The following CDKN3 variants were observed in gnomAD, a reference collection of about 807,000 sequenced individuals.
The protein encoded by CDKN3 is cyclin dependent kinase inhibitor 3, also known as cyclin-dependent kinase inhibitor 3.
CDKN3 carries 19 observed loss-of-function variants against 36.1 expected under a neutral mutation model. The observed-to-expected ratio is 0.53, with a 90% CI of 0.37 to 0.77. The LOEUF is 0.77. Among genes scored for constraint, CDKN3 ranks in the 30% least tolerant of loss-of-function variants. The pLI is 0.00. For synonymous variants in CDKN3, 71 were observed against 85.3 expected (o/e 0.83, Z 0.92); for missense variants, 188 against 248.6 (o/e 0.76, Z 1.64).
intron 5 of CDKN3, among the ~76,000 whole-genome samples, chr14:54,412,392 A>G (rs79598524): frequency 6.4e-4 from 97 of 150,900 alleles, no homozygotes; most frequent in African/African-American, 2.2e-3. Context: ...AGAAAAAAAA[A>G]AATAAAGAAA....
chr14:54,416,183 T>A (rs563452073), intron 6 of CDKN3, among the ~76,000 whole-genome samples: 2 of 152,324 alleles, frequency 1.3e-5, no homozygotes, highest in African/African-American at 4.8e-5. Flanking sequence ...TCTTATTTTT[T>A]AACATTTTTT....
Position 54,397,056 on chromosome 14 carries a change from G to A in CDKN3, c.-13G>A. On this transcript the variant is annotated 5_prime_UTR_variant, in exon 1 of 8. Transcript: ENST00000335183. The stretch of plus-strand genomic sequence containing the variant: ...AGGGAGGCGGCACTGGTCTCGACGT[G>A]GGGCGGCCAGCGATGAAGCCGGTGA... 1.3e-6 allele frequency: 2 copies of A among 1,500,442 alleles called. No homozygotes were observed. Among genetic ancestry groups the A allele is most frequent in the Non-Finnish European group, 1.8e-6 (2 of 1,122,314 alleles). The allele number at this position is 1,500,442 out of a possible 1,614,324, so 92.9% of individuals were successfully genotyped here.
At chr14:54,410,286 T>C (rs547325096) in intron 4 of CDKN3, among the ~76,000 whole-genome samples, 3 of 152,260 alleles carry the variant, frequency 2.0e-5, no homozygotes, top group Non-Finnish European at 4.4e-5. Context: ...AGTTGGAAAA[T>C]CACTGGATAA....
At chr14:54,397,263 G>A (rs1246642974) in intron 1 of CDKN3, among the ~76,000 whole-genome samples, 186 bp downstream of exon 1, 1 of 152,270 alleles carries the variant, frequency 6.6e-6, no homozygotes. Flanking sequence ...AAGGAGCAGG[G>A]TCGGTGGCCG....
rs957687445 is a variant in CDKN3, at chr14:54,397,009, C to G, written c.-60C>G. 7 of 1,434,260 alleles carry G rather than the reference C, an allele frequency of 4.9e-6. No individual in the cohort carries two copies. The highest frequency in any genetic ancestry group is 6.4e-6 in the Non-Finnish European group (7 of 1,090,396). 88.8% of individuals were successfully genotyped at this position (1,434,260 alleles called of 1,614,324 possible). A position where few individuals can be genotyped will look rare whatever the true frequency, so the allele number is the denominator to read the frequency against. ...CGGGGCGCGGGCTCGGCCGGGGCAC[C>G]GGTGAGTCGCCGGCGCTGCAGAGGG... On this transcript the variant is annotated 5_prime_UTR_variant, in exon 1 of 8. Coordinates refer to ENST00000335183, the MANE Select transcript of CDKN3 (RefSeq NM_005192.4).
intron 3 of CDKN3, among the ~76,000 whole-genome samples, chr14:54,408,370 C>T (rs937235322): frequency 2.6e-5 from 4 of 152,214 alleles, no homozygotes; most frequent in Non-Finnish European, 5.9e-5. Context: ...ACACACTTTG[C>T]GAAGCCCTCA....
In CDKN3 at chr14:54,414,777, G is replaced by A. The variant is rs1369765608; in HGVS notation, c.417-1122G>A. 2.8e-5 allele frequency among the ~76,000 whole-genome samples: 4 copies of A among 142,596 alleles called. No individual in the cohort carries two copies. The East Asian group carries it at 6.2e-4, about 22-fold the overall frequency. The allele number at this position is 142,596 out of a possible 152,430, so 93.5% of individuals were successfully genotyped here. A position where few individuals can be genotyped will look rare whatever the true frequency, so the allele number is the denominator to read the frequency against. On this transcript the variant is annotated intron_variant, in intron 5 of 7. Transcript: ENST00000335183. ...TTGCCAAAGCTGGTCTTAAACTACT[G>A]GACTCAAGCAGTCCTCCCACCTTGG...
intron 3 of CDKN3, among the ~76,000 whole-genome samples, chr14:54,405,282 A>C (rs2030116576): frequency 6.6e-6 from 1 of 152,294 alleles, no homozygotes; most frequent in Non-Finnish European, 1.5e-5. Context: ...TTTTAGAATA[A>C]GTGCGATGTG....
intron 5 of CDKN3, among the ~76,000 whole-genome samples, chr14:54,413,048 C>G (rs941356786): frequency 6.6e-6 from 1 of 152,182 alleles, no homozygotes; most frequent in Admixed American, 6.5e-5. Flanking sequence ...CCAACTAGTA[C>G]GAGGGTCTTT....
intron 1 of CDKN3, among the ~76,000 whole-genome samples, chr14:54,399,153 T>A (rs4251604): frequency 0.031 from 4,731 of 152,032 alleles, 239 homozygotes; most frequent in African/African-American, 0.11. Context: ...GCCTGGTTAA[T>A]TTTTGTATTT....
At chr14:54,419,643 C>T (rs1010149608) in intron 7 of CDKN3, among the ~76,000 whole-genome samples, 1 of 152,124 alleles carries the variant, frequency 6.6e-6, no homozygotes, top group Non-Finnish European at 1.5e-5. Context: ...AGTGCTCTGT[C>T]CTTCTTACCA....
At chr14:54,415,877 C>T (rs1309410769) in intron 5 of CDKN3, 22 bp from the exon 6 acceptor site, 1 of 1,585,684 alleles carries the variant, frequency 6.3e-7, no homozygotes, top group Non-Finnish European at 8.7e-7. Context: ...GTACAAACTT[C>T]AAAACTGTAT....
At chr14:54,401,093 C>A (rs1169727134) in intron 2 of CDKN3, among the ~76,000 whole-genome samples, 2 of 152,166 alleles carry the variant, frequency 1.3e-5, no homozygotes, top group Admixed American at 1.3e-4. Context: ...TACCGGTTGG[C>A]AATCTAGGCA....
At chr14:54,406,649 A>G (rs766706616) in intron 3 of CDKN3, among the ~76,000 whole-genome samples, 3 of 151,820 alleles carry the variant, frequency 2.0e-5, no homozygotes, top group African/African-American at 4.8e-5. Flanking sequence ...ATACTTGTGT[A>G]TGCATCACGA....
At chr14:54,415,111 T>C (rs1342001441) in intron 5 of CDKN3, among the ~76,000 whole-genome samples, 1 of 152,246 alleles carries the variant, frequency 6.6e-6, no homozygotes, top group East Asian at 1.9e-4. Flanking sequence ...TAATACATTT[T>C]TTAGGATCTT....
At chr14:54,409,220 T>A (rs1216260302) in intron 4 of CDKN3, among the ~76,000 whole-genome samples, 1 of 152,090 alleles carries the variant, frequency 6.6e-6, no homozygotes, top group East Asian at 1.9e-4. Context: ...AGAGCCAGCA[T>A]CTAGATGGAA....
intron 7 of CDKN3, among the ~76,000 whole-genome samples, chr14:54,418,915 T>C (rs2030639699): frequency 6.6e-6 from 1 of 152,084 alleles, no homozygotes; most frequent in Non-Finnish European, 1.5e-5. Flanking sequence ...TCCTAGCACT[T>C]TGGGAGGCTG....
intron 5 of CDKN3, among the ~76,000 whole-genome samples, chr14:54,413,060 G>A (rs1289637738): frequency 1.3e-5 from 2 of 152,154 alleles, no homozygotes; most frequent in Non-Finnish European, 2.9e-5. Flanking sequence ...AGGGTCTTTG[G>A]GGACACACAC....
intron 2 of CDKN3, 98 bp from the exon 3 acceptor site, chr14:54,401,426 C>A: frequency 1.4e-6 from 1 of 716,428 alleles, no homozygotes; most frequent in South Asian, 1.9e-5. Context: ...TTTAACACAA[C>A]TTTATTTGGT....
Sources: allele counts gnomAD v4.1 joint callset (sites outside exome capture counted in the v4.1 genomes callset), GRCh38; gene constraint gnomAD v4.1.1; transcripts MANE v1.5; gene names NCBI Gene and HGNC (gene_info 2026-07-23, HGNC 2026-07-21).